Variants in CNTNAP2 observed in about 807,000 individuals in gnomAD.
CNTNAP2 encodes contactin-associated protein-like 2.
CNTNAP2 carries 98 observed loss-of-function variants against 155.2 expected under a neutral mutation model. That is an observed-to-expected ratio of 0.63 (90% CI 0.54 to 0.75). CNTNAP2 has a LOEUF of 0.75. CNTNAP2 is among the 30% of genes least tolerant of loss of function. The probability of loss-of-function intolerance (pLI) is 0.00; values close to 1 mark genes in which losing one functional copy is unlikely to be tolerated. For synonymous variants in CNTNAP2, 651 were observed against 631.2 expected (o/e 1.03, Z -0.47); for missense variants, 1,727 against 1,688.1 (o/e 1.02, Z -0.40).
chr7:148,381,750 T>C (rs2116654926), intron 21 of CNTNAP2, among the ~76,000 whole-genome samples: 1 of 152,328 alleles, frequency 6.6e-6, no homozygotes, highest in African/African-American at 2.4e-5. Flanking sequence ...GACCCGCCCC[T>C]TTCTGCCTAG....
At chr7:146,236,382 GTAAA>G (rs71870772) in intron 1 of CNTNAP2, among the ~76,000 whole-genome samples, 26,530 of 151,980 alleles carry the variant, frequency 0.17, 2,855 homozygotes, top group East Asian at 0.29. Context: ...TACTTTAGAA[GTAAA>G]TAAATAATTA....
chr7:147,799,458 C>T (rs950604370), intron 13 of CNTNAP2, among the ~76,000 whole-genome samples: 1 of 152,044 alleles, frequency 6.6e-6, no homozygotes, highest in African/African-American at 2.4e-5. Context: ...ACTCCAAATT[C>T]TGTGTCTCCA....
At chr7:146,398,098 C>G (rs995215883) in intron 1 of CNTNAP2, among the ~76,000 whole-genome samples, 8 of 150,992 alleles carry the variant, frequency 5.3e-5, no homozygotes, top group Non-Finnish European at 1.0e-4. Flanking sequence ...TCTTGAACTC[C>G]TGGGCTCAAG....
intron 12 of CNTNAP2, among the ~76,000 whole-genome samples, chr7:147,577,424 A>G (rs1239013782): frequency 6.6e-6 from 1 of 152,082 alleles, no homozygotes; most frequent in Non-Finnish European, 1.5e-5. Flanking sequence ...TTCAAAGAGA[A>G]TAACAACAAG....
At chr7:147,728,874 C>T (rs1361536003) in intron 13 of CNTNAP2, among the ~76,000 whole-genome samples, 1 of 151,238 alleles carries the variant, frequency 6.6e-6, no homozygotes, top group African/African-American at 2.4e-5. Context: ...GGTTTTTATA[C>T]CAAGTGTTCA....
chr7:148,002,959 G>C (rs1323778894), intron 15 of CNTNAP2, among the ~76,000 whole-genome samples: 1 of 152,194 alleles, frequency 6.6e-6, no homozygotes, highest in African/African-American at 2.4e-5. Flanking sequence ...GGCCATTTGT[G>C]TTCAGATATG....
At chr7:146,668,433 T>TGTGTGTGG (rs971199312) in intron 1 of CNTNAP2, among the ~76,000 whole-genome samples, 8 of 52,870 alleles carry the variant, frequency 1.5e-4, no homozygotes, top group Admixed American at 3.6e-4. Context: ...TTTTCCTGTG[T>TGTGTGTGG]GTGTGTGTGT....
At chr7:146,567,970 G>GCATTTTTATATACA (rs1798384671) in intron 1 of CNTNAP2, among the ~76,000 whole-genome samples, 1 of 152,100 alleles carries the variant, frequency 6.6e-6, no homozygotes, top group Non-Finnish European at 1.5e-5. Flanking sequence ...ATATTAAAGT[G>GCATTTTTATATACA]TTTTTCAAAT....
At chr7:146,338,098 G>A (rs1254832991) in intron 1 of CNTNAP2, among the ~76,000 whole-genome samples, 2 of 152,168 alleles carry the variant, frequency 1.3e-5, no homozygotes, top group East Asian at 3.9e-4. Flanking sequence ...GGGACAAATG[G>A]ATATACAGAT....
chr7:147,557,173 A>G (rs1799967999), intron 11 of CNTNAP2, among the ~76,000 whole-genome samples: 1 of 152,066 alleles, frequency 6.6e-6, no homozygotes, highest in African/African-American at 2.4e-5. Context: ...CTAACGCAAG[A>G]GGATCGCTTG....
chr7:146,919,691 G>T (rs1796460315), intron 3 of CNTNAP2, among the ~76,000 whole-genome samples: 1 of 152,170 alleles, frequency 6.6e-6, no homozygotes, highest in African/African-American at 2.4e-5. Context: ...GCACGTTCAA[G>T]AGCACATCAG....
chr7:147,867,354 G>A (rs183396804), intron 13 of CNTNAP2, among the ~76,000 whole-genome samples: 19 of 152,252 alleles, frequency 1.2e-4, no homozygotes, highest in Non-Finnish European at 2.4e-4. Context: ...TGGGTAACCC[G>A]ACCTTTCTTT....
At chr7:147,673,530 T>C (rs1795821333) in intron 13 of CNTNAP2, among the ~76,000 whole-genome samples, 1 of 152,220 alleles carries the variant, frequency 6.6e-6, no homozygotes, top group African/African-American at 2.4e-5. Flanking sequence ...GCTTTCTAGC[T>C]ATATAAGAAA....
At chr7:147,382,050 TTAATC>T (rs1382875487) in intron 9 of CNTNAP2, among the ~76,000 whole-genome samples, 1 of 152,070 alleles carries the variant, frequency 6.6e-6, no homozygotes, top group African/African-American at 2.4e-5. Flanking sequence ...ATTAAATCAA[TTAATC>T]TAATAAACAT....
At chr7:146,142,261 G>A (rs1390461519) in intron 1 of CNTNAP2, among the ~76,000 whole-genome samples, 1 of 152,210 alleles carries the variant, frequency 6.6e-6, no homozygotes, top group East Asian at 1.9e-4. Flanking sequence ...TTAGTGAAGA[G>A]AGGGCTTCTT....
intron 8 of CNTNAP2, among the ~76,000 whole-genome samples, chr7:147,176,902 TTATAA>T (rs889700916): frequency 2.3e-5 from 3 of 129,308 alleles, no homozygotes; most frequent in Non-Finnish European, 3.1e-5. Context: ...ATTATAATAA[TTATAA>T]TATATAATTT....
At chr7:147,957,215 G>A (rs2116837768) in intron 14 of CNTNAP2, among the ~76,000 whole-genome samples, 1 of 152,320 alleles carries the variant, frequency 6.6e-6, no homozygotes, top group East Asian at 1.9e-4. Flanking sequence ...CAGAGAATGA[G>A]ATGTAAACTC....
intron 21 of CNTNAP2, among the ~76,000 whole-genome samples, chr7:148,372,186 A>G (rs1278386961): frequency 6.6e-6 from 1 of 152,026 alleles, no homozygotes; most frequent in African/African-American, 2.4e-5. Flanking sequence ...TGGGGACAGA[A>G]CAAGACTCCG....
In CNTNAP2 at chr7:146,603,284, C is replaced by T. The variant is rs532602212; in HGVS notation, c.98-170987C>T. 2.1e-3 allele frequency among the ~76,000 whole-genome samples: 314 copies of T among 150,648 alleles called. 2 individuals are homozygous for T. Among genetic ancestry groups the T allele is most frequent in the African/African-American group, 7.1e-3 (291 of 41,164 alleles). On this transcript the variant is annotated intron_variant, in intron 1 of 23. Coordinates refer to ENST00000361727, the MANE Select transcript of CNTNAP2 (RefSeq NM_014141.6). Reference sequence around the variant, plus strand: ...AACATTAGCCGGGCGTGGTGGCGGGCGCCTGTAGTCCCAGCTACTCGAAAG... The same window carrying T: ...AACATTAGCCGGGCGTGGTGGCGGGTGCCTGTAGTCCCAGCTACTCGAAAG...
Sources: gnomAD v4.1 joint callset for allele counts (sites outside exome capture counted in the v4.1 genomes callset) on GRCh38, gnomAD v4.1.1 for gene constraint, MANE v1.5 for transcripts, NCBI Gene and HGNC (gene_info 2026-07-23, HGNC 2026-07-21) for gene names.